The following CLRN1 variants were observed in gnomAD, a reference collection of about 807,000 sequenced individuals.
CLRN1 encodes the protein clarin 1, also known as clarin-1.
A neutral mutation model predicts 18.7 loss-of-function variants in CLRN1; 15 were observed. That is an observed-to-expected ratio of 0.80 (90% CI 0.54 to 1.23). The LOEUF (loss-of-function observed/expected upper bound fraction) is 1.23. CLRN1 is among the 50% of genes most tolerant of loss of function. The pLI is 0.00. For missense variants in CLRN1, 311 were observed against 277.5 expected (o/e 1.12, Z -0.86); for synonymous variants, 104 against 102.9 (o/e 1.01, Z -0.07).
intron 1 of CLRN1, among the ~76,000 whole-genome samples, chr3:150,959,351 G>A (rs760055442): frequency 1.3e-5 from 2 of 152,114 alleles, no homozygotes; most frequent in South Asian, 2.1e-4. Context: ...GGTTACAGCC[G>A]GGCTTGGTGG....
At chr3:150,969,939 G>A (rs939557543) in intron 1 of CLRN1, among the ~76,000 whole-genome samples, 5 of 152,134 alleles carry the variant, frequency 3.3e-5, no homozygotes, top group African/African-American at 1.2e-4. Context: ...AACTGGCCAC[G>A]AAGTGATTGT....
At chr3:150,931,540 C>A (rs146049529) in intron 2 of CLRN1, among the ~76,000 whole-genome samples, 3 of 152,150 alleles carry the variant, frequency 2.0e-5, no homozygotes, top group Non-Finnish European at 4.4e-5. Flanking sequence ...CCTATGTGGT[C>A]ATTTCTCCTG....
chr3:150,944,029 T>A (rs1205695799), intron 1 of CLRN1: 2 of 953,606 alleles, frequency 2.1e-6, no homozygotes, highest in East Asian at 2.7e-5. Context: ...TAGTGATACA[T>A]ATGATGGAGA....
In CLRN1 at chr3:150,940,521, T is replaced by A. The variant is rs567709615; in HGVS notation, c.433+1061A>T. The A allele has an allele frequency of 8.2e-4, 1,265 of 1,534,600 alleles. 1 individual carries two copies. The highest frequency in any genetic ancestry group is 1.0e-3 in the Non-Finnish European group (1,199 of 1,145,892). ...TGGTAGCTGGCAGCCAAAGGGCAAC[T>A]TCAGGAGAAAAAGAAACAGTCGAAT... On this transcript the variant is annotated intron_variant, in intron 2 of 2. Coordinates refer to ENST00000327047, the MANE Select transcript of CLRN1 (RefSeq NM_174878.3).
At chr3:150,941,392 T>G (rs898652280) in intron 2 of CLRN1, 190 bp downstream of exon 2, 1 of 595,622 alleles carries the variant, frequency 1.7e-6, no homozygotes, top group Non-Finnish European at 3.0e-6. Flanking sequence ...CATATAGATG[T>G]CCATAAAGTA....
intron 1 of CLRN1, among the ~76,000 whole-genome samples, chr3:150,947,221 A>C (rs1162900139): frequency 6.6e-6 from 1 of 152,096 alleles, no homozygotes; most frequent in Non-Finnish European, 1.5e-5. Context: ...AAATCTACCA[A>C]GCAAACAGAA....
chr3:150,931,353 GC>G (rs1305453651), intron 2 of CLRN1, among the ~76,000 whole-genome samples: 2 of 152,174 alleles, frequency 1.3e-5, no homozygotes. Flanking sequence ...CCTGCTTTGT[GC>G]CCCACATTTA....
At chr3:150,935,391 G>A (rs866132365) in intron 2 of CLRN1, among the ~76,000 whole-genome samples, 65 of 150,370 alleles carry the variant, frequency 4.3e-4, no homozygotes, top group African/African-American at 1.5e-3. Flanking sequence ...GAGAACATGC[G>A]GTGTTTGGTT....
intron 2 of CLRN1, among the ~76,000 whole-genome samples, chr3:150,935,280 G>A (rs1713400955): frequency 6.9e-6 from 1 of 144,400 alleles, no homozygotes; most frequent in Non-Finnish European, 1.5e-5. Context: ...ATCTCCTAAT[G>A]CTATCCCTCC....
At chr3:150,971,385 G>A (rs1715527871) in intron 1 of CLRN1, among the ~76,000 whole-genome samples, 1 of 152,118 alleles carries the variant, frequency 6.6e-6, no homozygotes, top group South Asian at 2.1e-4. Context: ...CTGAAGGTTG[G>A]TGTCCAATGA....
At chr3:150,968,369 T>C (rs567498486) in intron 1 of CLRN1, among the ~76,000 whole-genome samples, 19 of 152,216 alleles carry the variant, frequency 1.2e-4, no homozygotes, top group Non-Finnish European at 2.2e-4. Flanking sequence ...GTTGTGTCTC[T>C]TTGAAGGGAA....
At chr3:150,948,255 C>A (rs1009581876) in intron 1 of CLRN1, among the ~76,000 whole-genome samples, 3 of 151,920 alleles carry the variant, frequency 2.0e-5, no homozygotes, top group African/African-American at 7.2e-5. Context: ...GAGGCCGAGG[C>A]GGGCGGATCA....
intron 1 of CLRN1, among the ~76,000 whole-genome samples, chr3:150,961,548 T>C (rs991719217): frequency 1.8e-4 from 27 of 152,220 alleles, no homozygotes; most frequent in Admixed American, 6.5e-5. Flanking sequence ...CTGATAATGA[T>C]GTCAGCAATG....
chr3:150,943,297 A>G (rs1713964998), intron 1 of CLRN1, among the ~76,000 whole-genome samples: 1 of 152,134 alleles, frequency 6.6e-6, no homozygotes, highest in South Asian at 2.1e-4. Context: ...TTGGTTCTTT[A>G]TGAATAATGT....
intron 1 of CLRN1, among the ~76,000 whole-genome samples, chr3:150,953,490 G>GA (rs1005553326): frequency 1.3e-5 from 2 of 151,316 alleles, no homozygotes; most frequent in Admixed American, 6.6e-5. Flanking sequence ...ATAACAATAA[G>GA]AAAAAAAAGC....
chr3:150,958,971 T>C (rs1714891513), intron 1 of CLRN1, among the ~76,000 whole-genome samples: 1 of 152,212 alleles, frequency 6.6e-6, no homozygotes, highest in African/African-American at 2.4e-5. Context: ...GGTGGCAGTA[T>C]CCTGGAATGA....
intron 1 of CLRN1, chr3:150,944,017 G>A: frequency 9.6e-7 from 1 of 1,042,412 alleles, no homozygotes; most frequent in Non-Finnish European, 1.5e-6. Context: ...GATAGTTTCA[G>A]ATAGTGATAC....
chr3:150,965,140 G>A (rs1336876275), intron 1 of CLRN1, among the ~76,000 whole-genome samples: 1 of 152,112 alleles, frequency 6.6e-6, no homozygotes, highest in Non-Finnish European at 1.5e-5. Flanking sequence ...TTCTAAGGGG[G>A]CAAAATGTAG....
chr3:150,928,056 GA>G lies in CLRN1; in HGVS notation c.578del (p.Phe193SerfsTer9), dbSNP rs1231668679. On this transcript the variant is annotated frameshift_variant, in exon 3 of 3. Coordinates refer to ENST00000327047, the MANE Select transcript of CLRN1 (RefSeq NM_174878.3). LOFTEE classifies it high-confidence loss of function. ...TCAGAAAATGAACAAAAAAGCAAAAGAAAATGACCCAGAATGAGGTGGTATA... is the reference window on the plus strand; with the variant it reads ...TCAGAAAATGAACAAAAAAGCAAAAGAAATGACCCAGAATGAGGTGGTATA... ...EKYTTSFWVIFFCFFVHFLNG... is the reference protein window; with the variant it reads ...EKYTTSFWVIXFCFFVHFLNG... 8 of 1,614,020 alleles carry G rather than the reference GA, an allele frequency of 5.0e-6. No homozygotes were observed. Among genetic ancestry groups the G allele is most frequent in the Non-Finnish European group, 6.8e-6 (8 of 1,180,016 alleles).
Sources: gnomAD v4.1 joint callset for allele counts (sites outside exome capture counted in the v4.1 genomes callset) on GRCh38, gnomAD v4.1.1 for gene constraint, MANE v1.5 for transcripts, NCBI Gene and HGNC (gene_info 2026-07-23, HGNC 2026-07-21) for gene names.